PCDHA4: variants seen among roughly 807,000 people sequenced by gnomAD.
PCDHA4 encodes the protein protocadherin alpha 4.
A neutral mutation model predicts 61.4 loss-of-function variants in PCDHA4; 49 were observed. The observed-to-expected ratio is 0.80, with a 90% CI of 0.63 to 1.01. The LOEUF (loss-of-function observed/expected upper bound fraction) is 1.01, where lower values mean the gene tolerates loss of function less well. Ranked by LOEUF, PCDHA4 falls within the 50% of genes least tolerant of loss-of-function variation. The pLI, the probability that PCDHA4 is intolerant of heterozygous loss-of-function variation, is 0.00. For synonymous variants in PCDHA4, 590 were observed against 550.3 expected (o/e 1.07, Z -1.01); for missense variants, 1,254 against 1,235.8 (o/e 1.01, Z -0.22).
intron 3 of PCDHA4, among the ~76,000 whole-genome samples, chr5:140,997,106 C>T (rs2153943751): frequency 6.6e-6 from 1 of 152,162 alleles, no homozygotes; most frequent in South Asian, 2.1e-4. Context: ...CTCATGCACT[C>T]CTGCTCTCCC....
chr5:140,862,714 G>C, intron 1 of PCDHA4: 1 of 562,754 alleles, frequency 1.8e-6, no homozygotes, highest in South Asian at 1.4e-5. Flanking sequence ...GCGGGTGGGC[G>C]AGTGCGCGCT....
rs1019135464 is a variant in PCDHA4, at chr5:140,897,033, A to G, written c.2386-81916A>G. On this transcript the variant is annotated intron_variant, in intron 1 of 3. Transcript: ENST00000530339. ...TATACAACTAAATTATTTAGACCAT[A>G]GTCACCCTATTCTGCTGTCAAATAC... Among the ~76,000 whole-genome samples, 4 of 152,124 alleles carry G rather than the reference A, an allele frequency of 2.6e-5. No homozygotes were observed. The East Asian group carries it at 7.7e-4, about 29-fold the overall frequency.
rs186269491 is a variant in PCDHA4, at chr5:140,841,020, C to A, written c.2385+31448C>A. Among the ~76,000 whole-genome samples, 45 of 152,032 alleles carry A rather than the reference C, an allele frequency of 3.0e-4. 2 individuals carry two copies. The highest frequency in any genetic ancestry group is 9.9e-4 in the African/African-American group (41 of 41,434). On this transcript the variant is annotated intron_variant, in intron 1 of 3. Coordinates refer to ENST00000530339, the MANE Select transcript of PCDHA4 (RefSeq NM_018907.4). ...TGTAAGGAGCCAGACAGTATGAATG[C>A]CTCTGCAATTGATAAAGTTAAGGAT...
chr5:140,928,900 G>A lies in PCDHA4; in HGVS notation c.2386-50049G>A, dbSNP rs782597882. On this transcript the variant is annotated intron_variant, in intron 1 of 3. Coordinates refer to ENST00000530339, the MANE Select transcript of PCDHA4 (RefSeq NM_018907.4). ...TCAGTTACTTCCAGACTTTGAAGATGTCTGGGAACCAGGAGGGCAGCTTTC... is the reference window on the plus strand; with the variant it reads ...TCAGTTACTTCCAGACTTTGAAGATATCTGGGAACCAGGAGGGCAGCTTTC... The A allele has an allele frequency of 3.1e-6, 5 of 1,614,212 alleles. No homozygotes were observed. The South Asian group carries it at 5.5e-5, about 18-fold the overall frequency.
chr5:140,979,592 T>C (rs1554240865), intron 2 of PCDHA4, among the ~76,000 whole-genome samples: 1 of 152,248 alleles, frequency 6.6e-6, no homozygotes, highest in African/African-American at 2.4e-5. Flanking sequence ...CTAGCTTACT[T>C]TAAATTAACC....
intron 1 of PCDHA4, among the ~76,000 whole-genome samples, chr5:140,960,014 A>G (rs1380089859): frequency 6.6e-6 from 1 of 152,222 alleles, no homozygotes; most frequent in Non-Finnish European, 1.5e-5. Flanking sequence ...ATTTTGCATC[A>G]TGATTTTGTT....
intron 1 of PCDHA4, among the ~76,000 whole-genome samples, chr5:140,917,939 G>A (rs1408047210): frequency 6.6e-6 from 1 of 151,830 alleles, no homozygotes; most frequent in African/African-American, 2.4e-5. Context: ...AAATAATATT[G>A]GTAGTTTGAT....
chr5:140,870,201 G>C lies in PCDHA4; in HGVS notation c.2385+60629G>C, dbSNP rs370139733. 2.5e-4 allele frequency: 410 copies of C among 1,614,022 alleles called. 1 individual carries two copies. Among genetic ancestry groups the C allele is most frequent in the Non-Finnish European group, 5.8e-5 (69 of 1,180,034 alleles). ...TACGAGAGGACGCTCAGCCCAGCAC[G>C]GTCATTGCCCTGATCAGCGTGTCTG... On this transcript the variant is annotated intron_variant, in intron 1 of 3. Coordinates refer to ENST00000530339, the MANE Select transcript of PCDHA4 (RefSeq NM_018907.4).
chr5:140,932,469 A>T (rs1356318037), intron 1 of PCDHA4, among the ~76,000 whole-genome samples: 12 of 152,030 alleles, frequency 7.9e-5, no homozygotes, highest in African/African-American at 2.4e-4. Context: ...TATATAGGAA[A>T]TAGGATATCT....
intron 1 of PCDHA4, chr5:140,968,517 C>T: frequency 6.2e-7 from 1 of 1,614,206 alleles, no homozygotes; most frequent in Non-Finnish European, 8.5e-7. Flanking sequence ...TACCCTACCT[C>T]AACCAACTCG....
chr5:140,997,820 T>C (rs2097787131), intron 3 of PCDHA4, among the ~76,000 whole-genome samples: 1 of 152,170 alleles, frequency 6.6e-6, no homozygotes. Flanking sequence ...GGTATCTATG[T>C]TTTCTAAACA....
chr5:140,836,434 T>G (rs2150261046), intron 1 of PCDHA4: 2 of 1,613,832 alleles, frequency 1.2e-6, no homozygotes, highest in Admixed American at 1.7e-5. Flanking sequence ...CGGGCATCGT[T>G]GGGCATTGCA....
intron 1 of PCDHA4, among the ~76,000 whole-genome samples, chr5:140,872,375 C>A (rs2053630195): frequency 6.6e-6 from 1 of 152,002 alleles, no homozygotes; most frequent in Admixed American, 6.6e-5. Flanking sequence ...GCCTGTAATC[C>A]CAGCTATTTG....
At chr5:140,940,194 G>T (rs1455968152) in intron 1 of PCDHA4, among the ~76,000 whole-genome samples, 4 of 152,118 alleles carry the variant, frequency 2.6e-5, no homozygotes, top group East Asian at 1.9e-4. Context: ...TTTTACATGG[G>T]TGTAAAATTC....
At chr5:140,993,720 T>C (rs1201014213) in intron 3 of PCDHA4, among the ~76,000 whole-genome samples, 2 of 152,172 alleles carry the variant, frequency 1.3e-5, no homozygotes, top group Non-Finnish European at 2.9e-5. Context: ...TTACTGTACC[T>C]TTTCTATGTT....
intron 3 of PCDHA4, among the ~76,000 whole-genome samples, chr5:141,006,429 G>A (rs541690957): frequency 1.3e-5 from 2 of 152,004 alleles, no homozygotes; most frequent in South Asian, 4.2e-4. Context: ...TAGCCAGGAT[G>A]GTCTCAATCT....
chr5:140,996,198 G>T (rs2097716643), intron 3 of PCDHA4, among the ~76,000 whole-genome samples: 1 of 152,168 alleles, frequency 6.6e-6, no homozygotes, highest in Non-Finnish European at 1.5e-5. Context: ...TACCCTCAAT[G>T]CAAGGATATC....
At chr5:140,897,028 A>G (rs2065844542) in intron 1 of PCDHA4, among the ~76,000 whole-genome samples, 2 of 152,046 alleles carry the variant, frequency 1.3e-5, no homozygotes, top group Admixed American at 6.6e-5. Context: ...AATTATTTAG[A>G]CCATAGTCAC....
intron 1 of PCDHA4, among the ~76,000 whole-genome samples, chr5:140,818,349 G>A (rs1214100703): frequency 1.3e-5 from 2 of 152,134 alleles, no homozygotes; most frequent in African/African-American, 4.8e-5. Context: ...CACTGTCAAA[G>A]TCATTGATTG....
Sources: gnomAD v4.1 joint callset for allele counts (sites outside exome capture counted in the v4.1 genomes callset) on GRCh38, gnomAD v4.1.1 for gene constraint, MANE v1.5 for transcripts, NCBI Gene and HGNC (gene_info 2026-07-23, HGNC 2026-07-21) for gene names.